PRDM16: variants seen among roughly 807,000 people sequenced by gnomAD.
PRDM16 encodes the protein histone-lysine N-methyltransferase PRDM16.
PRDM16 carries 23 observed loss-of-function variants against 110.6 expected under a neutral mutation model. That is an observed-to-expected ratio of 0.21 (90% confidence interval 0.15 to 0.29). The LOEUF is 0.29. PRDM16 is among the 10% of genes least tolerant of loss of function. The pLI is 1.00. For synonymous variants in PRDM16, 799 were observed against 781.8 expected (o/e 1.02, Z -0.37); for missense variants, 1,615 against 1,794.3 (o/e 0.90, Z 1.81).
intron 1 of PRDM16, among the ~76,000 whole-genome samples, chr1:3,144,024 T>A (rs1183662007): frequency 1.3e-5 from 2 of 152,312 alleles, no homozygotes; most frequent in African/African-American, 4.8e-5. Flanking sequence ...CCACCTGGCC[T>A]CTCGCCGCCC....
At chr1:3,200,572 G>T (rs939751726) in intron 2 of PRDM16, among the ~76,000 whole-genome samples, 6 of 152,230 alleles carry the variant, frequency 3.9e-5, no homozygotes, top group African/African-American at 1.4e-4. Context: ...TCGATCTTCT[G>T]ACCCTGTGAT....
chr1:3,185,910 G>T (rs554271209), intron 1 of PRDM16, among the ~76,000 whole-genome samples: 7 of 152,366 alleles, frequency 4.6e-5, no homozygotes, highest in African/African-American at 1.7e-4. Context: ...GAGCCTGGTA[G>T]GATCCCATCC....
intron 1 of PRDM16, among the ~76,000 whole-genome samples, chr1:3,115,929 G>A (rs1308939534): frequency 6.6e-6 from 1 of 152,194 alleles, no homozygotes; most frequent in African/African-American, 2.4e-5. Flanking sequence ...CCTGTGTCCA[G>A]CATCTGGGGG....
intron 3 of PRDM16, among the ~76,000 whole-genome samples, chr1:3,369,242 C>T (rs1170073743): frequency 1.3e-5 from 2 of 152,246 alleles, no homozygotes; most frequent in African/African-American, 4.8e-5. Flanking sequence ...GACTCTGCAG[C>T]ACCTCTGTCT....
At chr1:3,392,902 G>A (rs35864014) in intron 4 of PRDM16, among the ~76,000 whole-genome samples, 23,885 of 152,172 alleles carry the variant, frequency 0.16, 2,230 homozygotes, top group Middle Eastern at 0.27. Context: ...GTGATAAAAG[G>A]GGGAGAAAAT....
chr1:3,095,044 G>T (rs554673761), intron 1 of PRDM16, among the ~76,000 whole-genome samples: 1 of 152,244 alleles, frequency 6.6e-6, no homozygotes, highest in Admixed American at 6.5e-5. Context: ...CCTACTCCCC[G>T]GTTGGGGAGA....
intron 1 of PRDM16, among the ~76,000 whole-genome samples, chr1:3,099,151 T>C (rs1485904036): frequency 6.6e-6 from 1 of 152,166 alleles, no homozygotes; most frequent in African/African-American, 2.4e-5. Flanking sequence ...TCCTGGGGGC[T>C]CCACACATGG....
At chr1:3,340,253 G>A (rs1386913395) in intron 3 of PRDM16, among the ~76,000 whole-genome samples, 5 of 152,004 alleles carry the variant, frequency 3.3e-5, no homozygotes, top group Non-Finnish European at 1.5e-5. Flanking sequence ...TCCCCAAGCA[G>A]ACCCCACGAG....
Position 3,069,802 on chromosome 1 carries a change from C to T in PRDM16, c.37+506C>T, listed in dbSNP as rs1231482906. Among the ~76,000 whole-genome samples, 1 of 152,006 alleles carries T rather than the reference C, an allele frequency of 6.6e-6. No individual in the cohort carries two copies. Among genetic ancestry groups the T allele is most frequent in the Non-Finnish European group, 1.5e-5 (1 of 67,966 alleles). On this transcript the variant is annotated intron_variant, in intron 1 of 16. Coordinates refer to ENST00000270722, the MANE Select transcript of PRDM16 (RefSeq NM_022114.4). This position sits in a 1 kb window ranked among gnomAD's most constrained non-coding sequence, Gnocchi z 6.1. ...GCGCTAGAGCACCGCCTTTGGCGTC[C>T]GCCAGCCGGGCGCAGAGGAGGGAGA... is the stretch of plus-strand genomic sequence containing the variant.
At chr1:3,264,794 C>T (rs1002770392) in intron 3 of PRDM16, among the ~76,000 whole-genome samples, 7 of 152,012 alleles carry the variant, frequency 4.6e-5, no homozygotes, top group Non-Finnish European at 2.9e-5. Context: ...GGCAGAGGGG[C>T]TTGGACAAGG....
intron 1 of PRDM16, among the ~76,000 whole-genome samples, chr1:3,151,144 G>T (rs979654475): frequency 2.0e-5 from 3 of 152,188 alleles, no homozygotes; most frequent in African/African-American, 7.2e-5. Flanking sequence ...TAGCTTCCCA[G>T]TTGCCTTTGT....
intron 4 of PRDM16, among the ~76,000 whole-genome samples, chr1:3,395,596 G>A (rs1176314191): frequency 2.0e-5 from 3 of 152,212 alleles, no homozygotes; most frequent in Non-Finnish European, 2.9e-5. Flanking sequence ...CCTGCCGCCA[G>A]ACACTCCCGG....
intron 2 of PRDM16, among the ~76,000 whole-genome samples, chr1:3,202,441 G>T (rs1335896907): frequency 6.6e-6 from 1 of 152,184 alleles, no homozygotes; most frequent in Admixed American, 6.5e-5. Flanking sequence ...TTGCTGAGAG[G>T]CAGGGATGGG....
intron 3 of PRDM16, among the ~76,000 whole-genome samples, chr1:3,331,265 G>T (rs538558729): frequency 5.3e-4 from 80 of 152,166 alleles, no homozygotes; most frequent in Non-Finnish European, 9.7e-4. Flanking sequence ...GCCTGGGGGG[G>T]GCGCATACTG....
At chr1:3,199,347 G>C (rs965129839) in intron 2 of PRDM16, among the ~76,000 whole-genome samples, 2 of 152,206 alleles carry the variant, frequency 1.3e-5, no homozygotes, top group African/African-American at 4.8e-5. Context: ...AACGAGCCAG[G>C]CTGGAAATAC....
At chr1:3,133,803 G>A (rs1402282193) in intron 1 of PRDM16, 1 of 152,216 alleles carries the variant, frequency 6.6e-6, no homozygotes, top group Non-Finnish European at 1.5e-5. Flanking sequence ...AGGGTATGCA[G>A]GCAAGGGGCC....
intron 3 of PRDM16, among the ~76,000 whole-genome samples, chr1:3,321,205 G>A (rs1641733729): frequency 6.6e-6 from 1 of 151,990 alleles, no homozygotes; most frequent in Non-Finnish European, 1.5e-5. Flanking sequence ...CTTAACCCCG[G>A]GTGGGCTGAT....
rs771432997 is a variant in PRDM16, at chr1:3,430,957, G to A, written c.3370G>A (p.Asp1124Asn). Reference sequence around the variant, plus strand: ...GGAGGACGTGGAGGAGGAGGACGACGATGACCTGGAGGAGGACGATGAGGA... The same window carrying A: ...GGAGGACGTGGAGGAGGAGGACGACAATGACCTGGAGGAGGACGATGAGGA... ...KQEDVEEEDD[D>N]DLEEDDEDSL... Residue 1124 changes from aspartate to asparagine, a missense_variant, in exon 15 of 17, where the codon GAT (aspartate) becomes AAT (asparagine). By Grantham distance (23) the Asp-to-Asn change is conservative. Transcript: ENST00000270722. 21 of 1,613,156 alleles carry A rather than the reference G, an allele frequency of 1.3e-5. No homozygotes were observed. Among genetic ancestry groups the A allele is most frequent in the Non-Finnish European group, 1.7e-5 (20 of 1,179,618 alleles).
At chr1:3,235,786 C>T (rs1639526722) in intron 2 of PRDM16, among the ~76,000 whole-genome samples, 3 of 152,188 alleles carry the variant, frequency 2.0e-5, no homozygotes, top group African/African-American at 7.2e-5. Flanking sequence ...GCCTGCCCTG[C>T]TCCAGGGAAT....
Sources: gnomAD v4.1 joint callset for allele counts (sites outside exome capture counted in the v4.1 genomes callset) on GRCh38, gnomAD v4.1.1 for gene constraint, Gnocchi (gnomAD v3.1) non-coding constraint, MANE v1.5 for transcripts, NCBI Gene and HGNC (gene_info 2026-07-23, HGNC 2026-07-21) for gene names.